The following PDE8B variants were observed in gnomAD, a reference collection of about 807,000 sequenced individuals.
The protein encoded by PDE8B is phosphodiesterase 8B, also known as high affinity cAMP-specific and IBMX-insensitive 3',5'-cyclic phosphodiesterase 8B.
A neutral mutation model predicts 101.3 loss-of-function variants in PDE8B; 26 were observed. The ratio of observed to expected loss-of-function variants is 0.26; its 90% CI spans 0.19 to 0.36. The LOEUF is 0.36. Among genes scored for constraint, PDE8B ranks in the 10% least tolerant of loss-of-function variants. The probability of loss-of-function intolerance (pLI) is 1.00; values close to 1 mark genes in which losing one functional copy is unlikely to be tolerated. For synonymous variants in PDE8B, 424 were observed against 429.3 expected (o/e 0.99, Z 0.15); for missense variants, 810 against 1,163.1 (o/e 0.70, Z 4.42).
intron 1 of PDE8B, among the ~76,000 whole-genome samples, chr5:77,225,848 G>GCACA (rs3087185): frequency 0.082 from 11,754 of 144,210 alleles, 743 homozygotes; most frequent in East Asian, 0.38. Context: ...ACATGCGCGT[G>GCACA]CACACACACA....
intron 4 of PDE8B, among the ~76,000 whole-genome samples, chr5:77,330,714 T>C (rs1432549643): frequency 1.3e-5 from 2 of 152,306 alleles, no homozygotes; most frequent in East Asian, 3.9e-4. Flanking sequence ...CCATGTTACT[T>C]GCTGGCTGTC....
chr5:77,100,996 G>T, the PDE8B span, among the ~76,000 whole-genome samples: 1,333 of 135,022 alleles, frequency 9.9e-3, 16 homozygotes, highest in African/African-American at 0.034. Flanking sequence ...TTGAGATAAG[G>T]TCTCACTCTG....
chr5:77,371,890 G>T (rs1468725032), intron 10 of PDE8B, among the ~76,000 whole-genome samples: 1 of 152,164 alleles, frequency 6.6e-6, no homozygotes, highest in Non-Finnish European at 1.5e-5. Flanking sequence ...AATGTTTGCT[G>T]CCAGTACATA....
intron 18 of PDE8B, among the ~76,000 whole-genome samples, chr5:77,418,727 T>A: frequency 6.6e-6 from 1 of 152,232 alleles, no homozygotes; most frequent in Non-Finnish European, 1.5e-5. Flanking sequence ...TTTACCCTCC[T>A]ACGAGGACAT....
At chr5:77,375,996 G>A (rs11749959) in intron 10 of PDE8B, among the ~76,000 whole-genome samples, 3 of 147,990 alleles carry the variant, frequency 2.0e-5, no homozygotes, top group Non-Finnish European at 4.4e-5. Flanking sequence ...AGGTTCAAGC[G>A]ATTCTCCTGC....
the PDE8B span, among the ~76,000 whole-genome samples, chr5:77,172,952 G>C: frequency 6.6e-6 from 1 of 152,166 alleles, no homozygotes; most frequent in South Asian, 2.1e-4. Flanking sequence ...ATATTTCTTT[G>C]ATTTGGATGC....
At chr5:77,351,248 A>G (rs1363790312) in intron 9 of PDE8B, 95 bp downstream of exon 9, 1 of 902,668 alleles carries the variant, frequency 1.1e-6, no homozygotes. Flanking sequence ...CCTTACATCC[A>G]CAAATGCAGT....
At chr5:77,244,114 C>T (rs915084744) in intron 1 of PDE8B, among the ~76,000 whole-genome samples, 1 of 152,030 alleles carries the variant, frequency 6.6e-6, no homozygotes, top group African/African-American at 2.4e-5. Context: ...TGACACAAGC[C>T]AAGCCATGAT....
chr5:77,379,676 T>C (rs968853802), intron 10 of PDE8B, among the ~76,000 whole-genome samples: 1 of 152,232 alleles, frequency 6.6e-6, no homozygotes, highest in Non-Finnish European at 1.5e-5. Context: ...AGGTGTTTTG[T>C]TCCGGTGTTT....
the PDE8B span, among the ~76,000 whole-genome samples, chr5:77,154,169 G>T: frequency 4.6e-5 from 7 of 152,132 alleles, no homozygotes; most frequent in Non-Finnish European, 8.8e-5. Context: ...CTCATTTCTG[G>T]TACTTCTTGC....
At chr5:77,376,604 A>C (rs1227053888) in intron 10 of PDE8B, among the ~76,000 whole-genome samples, 2 of 152,312 alleles carry the variant, frequency 1.3e-5, no homozygotes, top group East Asian at 3.9e-4. Context: ...CTAATTAGAG[A>C]TGCCCTTTTT....
intron 1 of PDE8B, among the ~76,000 whole-genome samples, chr5:77,218,367 A>T (rs1047096075): frequency 1.3e-5 from 2 of 152,226 alleles, no homozygotes; most frequent in African/African-American, 4.8e-5. Context: ...TTTAGAAAAG[A>T]GGAAAATGGG....
chr5:77,160,337 C>T, the PDE8B span, among the ~76,000 whole-genome samples: 10 of 152,284 alleles, frequency 6.6e-5, no homozygotes, highest in South Asian at 4.1e-4. Flanking sequence ...AAAATCTGCA[C>T]GTACTCGAGT....
the PDE8B span, among the ~76,000 whole-genome samples, chr5:77,185,715 C>T: frequency 6.6e-6 from 1 of 152,150 alleles, no homozygotes; most frequent in Non-Finnish European, 1.5e-5. Context: ...ACATCCATCT[C>T]CTCCTGTCCC....
At position 77,211,356 on chromosome 5, in the gene PDE8B, C is replaced by G; in HGVS notation, c.339+92C>G. ...GGGGGCTCCGGCGGAGTTGGGTGACCGTGAGGCGGTTGGTTTGGAGAGGTT... is the reference window on the plus strand; with the variant it reads ...GGGGGCTCCGGCGGAGTTGGGTGACGGTGAGGCGGTTGGTTTGGAGAGGTT... On this transcript the variant is annotated intron_variant, in intron 1 of 21. Coordinates refer to ENST00000264917, the MANE Select transcript of PDE8B (RefSeq NM_003719.5). This position sits in a 1 kb window ranked among gnomAD's most constrained non-coding sequence, Gnocchi z 4.1. 8.0e-7 allele frequency: 1 copy of G among 1,249,270 alleles called. No homozygotes were observed. Among genetic ancestry groups the G allele is most frequent in the Non-Finnish European group, 1.1e-6 (1 of 915,918 alleles). The allele number at this position is 1,249,270 out of a possible 1,614,324, so 77.4% of individuals were successfully genotyped here.
intron 1 of PDE8B, among the ~76,000 whole-genome samples, chr5:77,275,202 A>G (rs1187700552): frequency 6.6e-6 from 1 of 152,106 alleles, no homozygotes; most frequent in African/African-American, 2.4e-5. Context: ...TTTTTTAAAA[A>G]AGAAAAAATA....
intron 6 of PDE8B, among the ~76,000 whole-genome samples, chr5:77,341,235 C>T (rs1458452584): frequency 6.6e-6 from 1 of 152,028 alleles, no homozygotes; most frequent in Non-Finnish European, 1.5e-5. Context: ...CCTGAATAAA[C>T]GTTGTGGTCT....
the PDE8B span, among the ~76,000 whole-genome samples, chr5:77,096,248 C>G: frequency 6.6e-6 from 1 of 152,168 alleles, no homozygotes; most frequent in Admixed American, 6.5e-5. Flanking sequence ...CTCAGCCTCC[C>G]AAAGTGTTGG....
chr5:77,113,138 A>G, the PDE8B span: 1 of 152,234 alleles, frequency 6.6e-6, no homozygotes, highest in South Asian at 2.1e-4. Flanking sequence ...TCAAACCACC[A>G]CTGACTTTCT....
Sources: gnomAD v4.1 joint callset for allele counts (sites outside exome capture counted in the v4.1 genomes callset) on GRCh38, gnomAD v4.1.1 for gene constraint, Gnocchi (gnomAD v3.1) non-coding constraint, MANE v1.5 for transcripts, NCBI Gene and HGNC (gene_info 2026-07-23, HGNC 2026-07-21) for gene names.